Variants in ANKS1B observed in about 807,000 individuals in gnomAD.
ANKS1B encodes ankyrin repeat and sterile alpha motif domain-containing protein 1B.
ANKS1B carries 36 observed loss-of-function variants against 148.3 expected under a neutral mutation model. That is an observed-to-expected ratio of 0.24 (90% confidence interval 0.19 to 0.32). The LOEUF is 0.32. ANKS1B is among the 10% of genes least tolerant of loss of function. ANKS1B has a pLI of 1.00. For missense variants in ANKS1B, 1,157 were observed against 1,542.6 expected (o/e 0.75, Z 4.19); for synonymous variants, 542 against 560.8 (o/e 0.97, Z 0.47).
intron 13 of ANKS1B, among the ~76,000 whole-genome samples, chr12:99,244,793 C>T (rs903388582): frequency 2.0e-5 from 3 of 152,190 alleles, no homozygotes; most frequent in African/African-American, 2.4e-5. Flanking sequence ...TAAGAACATG[C>T]ATCCCATCTA....
At chr12:99,885,553 T>C (rs899717469) in intron 1 of ANKS1B, among the ~76,000 whole-genome samples, 19 of 152,158 alleles carry the variant, frequency 1.2e-4, no homozygotes, top group African/African-American at 4.6e-4. Context: ...TCCGCCCGCC[T>C]GGGCCTCCCA....
At chr12:99,655,543 A>G (rs2098445978) in intron 8 of ANKS1B, among the ~76,000 whole-genome samples, 2 of 152,210 alleles carry the variant, frequency 1.3e-5, no homozygotes. Context: ...TTTAGGCATA[A>G]AATTAAGGAA....
At chr12:99,323,252 T>C (rs2085655667) in intron 12 of ANKS1B, among the ~76,000 whole-genome samples, 2 of 152,188 alleles carry the variant, frequency 1.3e-5, no homozygotes, top group Admixed American at 6.5e-5. Flanking sequence ...ACAGCAAGTG[T>C]CACTGAACTG....
chr12:99,634,487 C>T (rs190906195), intron 9 of ANKS1B, among the ~76,000 whole-genome samples: 12 of 152,166 alleles, frequency 7.9e-5, no homozygotes. Flanking sequence ...CTGATATAAA[C>T]AACAGAAAAT....
intron 24 of ANKS1B, among the ~76,000 whole-genome samples, chr12:98,776,013 C>A (rs772030468): frequency 3.9e-5 from 6 of 152,220 alleles, no homozygotes; most frequent in South Asian, 4.1e-4. Context: ...TGATAGCCTG[C>A]GGAGGCAGGT....
intron 17 of ANKS1B, among the ~76,000 whole-genome samples, chr12:98,915,590 T>C (rs1360112405): frequency 6.6e-6 from 1 of 152,126 alleles, no homozygotes; most frequent in Non-Finnish European, 1.5e-5. Context: ...TGATCTCAAG[T>C]GATCCACCTG....
At chr12:99,757,392 G>A (rs937766691) in intron 8 of ANKS1B, among the ~76,000 whole-genome samples, 2 of 152,006 alleles carry the variant, frequency 1.3e-5, no homozygotes, top group African/African-American at 4.8e-5. Context: ...AAACCACAAT[G>A]AGATGCCATC....
chr12:98,882,918 A>G (rs1311762203), intron 17 of ANKS1B, among the ~76,000 whole-genome samples: 2 of 152,216 alleles, frequency 1.3e-5, no homozygotes, highest in East Asian at 1.9e-4. Flanking sequence ...TGAAAACTGT[A>G]AAGATTTAAA....
At chr12:99,919,448 T>C (rs1462990151) in intron 1 of ANKS1B, among the ~76,000 whole-genome samples, 1 of 152,080 alleles carries the variant, frequency 6.6e-6, no homozygotes, top group African/African-American at 2.4e-5. Context: ...AAATAAACAA[T>C]AAATAATGTA....
chr12:99,982,866 A>T (rs2095724482), intron 1 of ANKS1B, among the ~76,000 whole-genome samples: 1 of 152,126 alleles, frequency 6.6e-6, no homozygotes, highest in African/African-American at 2.4e-5. Flanking sequence ...CCCATCGACT[A>T]TTTTTCAACT....
At chr12:99,448,241 T>G (rs1297374738) in intron 10 of ANKS1B, among the ~76,000 whole-genome samples, 1 of 152,072 alleles carries the variant, frequency 6.6e-6, no homozygotes, top group Non-Finnish European at 1.5e-5. Context: ...AAATGTAATA[T>G]ATACATACAG....
intron 1 of ANKS1B, among the ~76,000 whole-genome samples, chr12:99,851,539 T>G (rs1205586909): frequency 6.6e-6 from 1 of 152,192 alleles, no homozygotes; most frequent in Non-Finnish European, 1.5e-5. Flanking sequence ...CCTTGAAAAT[T>G]TAGAACATTA....
chr12:99,370,377 C>A (rs2093061904), intron 12 of ANKS1B, among the ~76,000 whole-genome samples: 1 of 152,014 alleles, frequency 6.6e-6, no homozygotes, highest in African/African-American at 2.4e-5. Context: ...GGGTACAGCA[C>A]CAAGAAATCC....
chr12:99,736,139 C>A (rs1024882656), intron 8 of ANKS1B, among the ~76,000 whole-genome samples: 2 of 151,938 alleles, frequency 1.3e-5, no homozygotes, highest in Non-Finnish European at 2.9e-5. Flanking sequence ...ATATGATAAA[C>A]CCACAGCTAA....
At chr12:98,959,333 G>T (rs934690990) in intron 17 of ANKS1B, among the ~76,000 whole-genome samples, 2 of 152,104 alleles carry the variant, frequency 1.3e-5, no homozygotes, top group African/African-American at 4.8e-5. Flanking sequence ...GACTTCTTCT[G>T]TACATGCCTC....
At chr12:98,958,911 A>C (rs2099866735) in intron 17 of ANKS1B, among the ~76,000 whole-genome samples, 1 of 152,176 alleles carries the variant, frequency 6.6e-6, no homozygotes. Flanking sequence ...TCACGTAGGG[A>C]GACTATCTTG....
At chr12:99,805,795 C>T (rs1233951315) in intron 4 of ANKS1B, among the ~76,000 whole-genome samples, 1 of 151,712 alleles carries the variant, frequency 6.6e-6, no homozygotes, top group Non-Finnish European at 1.5e-5. Flanking sequence ...TGTCCTTAGG[C>T]ATAGTGATCA....
At chr12:99,454,158 G>C (rs749193017) in intron 10 of ANKS1B, among the ~76,000 whole-genome samples, 1 of 152,036 alleles carries the variant, frequency 6.6e-6, no homozygotes, top group Non-Finnish European at 1.5e-5. Flanking sequence ...AGATGATGTT[G>C]GCAAGATAAA....
chr12:99,577,357 G>A (rs560182775), intron 9 of ANKS1B, among the ~76,000 whole-genome samples: 2 of 150,210 alleles, frequency 1.3e-5, no homozygotes, highest in Admixed American at 1.3e-4. Flanking sequence ...CCCGATGCTA[G>A]CAGAAGAAAA....
Sources: allele counts gnomAD v4.1 joint callset (sites outside exome capture counted in the v4.1 genomes callset), GRCh38; gene constraint gnomAD v4.1.1; transcripts MANE v1.5; gene names NCBI Gene and HGNC (gene_info 2026-07-23, HGNC 2026-07-21).